The following C14orf93 variants were observed in gnomAD, a reference collection of about 807,000 sequenced individuals.
C14orf93 encodes the protein uncharacterized protein C14orf93.
A neutral mutation model predicts 44.0 loss-of-function variants in C14orf93; 23 were observed. The observed-to-expected ratio is 0.52, with a 90% CI of 0.38 to 0.74. The LOEUF is 0.74. Ranked by LOEUF, C14orf93 falls within the 30% of genes least tolerant of loss-of-function variation. C14orf93 has a pLI of 0.00. For missense variants in C14orf93, 579 were observed against 678.9 expected, an observed-to-expected ratio of 0.85 and a Z score of 1.64; for synonymous variants, 253 against 265.7, an observed-to-expected ratio of 0.95 and a Z score of 0.46.
chr14:23,006,297 C>G (rs1245017986), intron 1 of C14orf93: 1 of 152,138 alleles, frequency 6.6e-6, no homozygotes. Context: ...ACAAGAGCAG[C>G]TAAGTAAATA....
In C14orf93 at chr14:22,998,654, G is replaced by T. The variant is rs953732587; in HGVS notation, c.370C>A (p.Pro124Thr). Reference sequence around the variant, plus strand: ...CCGGGACTTTCCTTGAGAGGCCCAGGCTCCTCAGGTGGGGAACTATGTGCC... The same window carrying T: ...CCGGGACTTTCCTTGAGAGGCCCAGTCTCCTCAGGTGGGGAACTATGTGCC... The part of the protein sequence containing the change: ...SRAHSSPPEE[P>T]GPLKESPGEA... The change falls in exon 2 of 7, where the codon CCT (proline) becomes ACT (threonine). Residue 124 changes from proline (P) to threonine (T), a missense_variant. Transcript: ENST00000299088. 5 of 1,613,896 alleles carry T rather than the reference G, an allele frequency of 3.1e-6. No individual in the cohort carries two copies. The highest frequency in any genetic ancestry group is 4.5e-5 in the East Asian group (2 of 44,878).
In C14orf93 at chr14:23,000,735, A is replaced by G. The variant is rs931417659; in HGVS notation, c.-379-1333T>C. Among the ~76,000 whole-genome samples the G allele has an allele frequency of 2.2e-3, 333 of 151,578 alleles. 2 individuals are homozygous for G. The highest frequency in any genetic ancestry group is 7.7e-3 in the African/African-American group (316 of 41,298). On this transcript the variant is annotated intron_variant, in intron 1 of 6. Transcript: ENST00000299088. The stretch of plus-strand genomic sequence containing the variant: ...ACCTCAAAAAAAAAAAAAAAAAAAA[A>G]AGAGTAGGAGGTTAAGAGAATTTTC...
In C14orf93 at chr14:22,990,049, C is replaced by A. The variant is rs770854025; in HGVS notation, c.980+17G>T. On this transcript the variant is annotated intron_variant, in intron 4 of 6. Coordinates refer to ENST00000299088, the MANE Select transcript of C14orf93 (RefSeq NM_021944.4). ...AGCAAAGTACCTTCTAATTCTTTTT[C>A]CTCAAGGAGACCATACCTTTCAGAC... 6.2e-7 allele frequency: 1 copy of A among 1,604,326 alleles called. No individual in the cohort carries two copies.
At chr14:23,003,818 G>A (rs2046430121) in intron 1 of C14orf93, among the ~76,000 whole-genome samples, 1 of 129,224 alleles carries the variant, frequency 7.7e-6, no homozygotes, top group Non-Finnish European at 1.6e-5. Flanking sequence ...AAGAAGGTGA[G>A]CTGGTGAGTG....
chr14:22,999,804 C>T (rs751719916), intron 1 of C14orf93, among the ~76,000 whole-genome samples: 7 of 152,214 alleles, frequency 4.6e-5, no homozygotes, highest in Non-Finnish European at 8.8e-5. Context: ...ATACATCCAT[C>T]ACTGCAGCCC....
At position 22,996,235 on chromosome 14, in the gene C14orf93, C is replaced by CGTG. The variant is rs1427501051; in HGVS notation, c.630_631insCAC (p.Ala210_Val211insHis). 6.3e-7 allele frequency: 1 copy of CGTG among 1,582,530 alleles called. No individual in the cohort carries two copies. Among genetic ancestry groups the CGTG allele is most frequent in the Admixed American group, 1.8e-5 (1 of 56,978 alleles). ...TAAGCAGGGACCAGAACTCGCTGTA[C>CGTG]TGCACCCTCAGAGGCCACGTAATCA... On this transcript the variant is annotated inframe_insertion, in exon 3 of 7. Transcript: ENST00000299088. The surrounding 1 kb of genome is among the most constrained non-coding windows in gnomAD (Gnocchi z 4.1).
At chr14:23,008,172 AAAAAAAAAC>A (rs1193945212) in intron 1 of C14orf93, among the ~76,000 whole-genome samples, 1 of 136,958 alleles carries the variant, frequency 7.3e-6, no homozygotes, top group African/African-American at 3.0e-5. Context: ...AAAAAAAAAA[AAAAAAAAAC>A]TCCCATCACT....
chr14:22,997,293 A>G (rs953501024), intron 2 of C14orf93, among the ~76,000 whole-genome samples: 3 of 152,004 alleles, frequency 2.0e-5, no homozygotes, highest in African/African-American at 7.2e-5. Flanking sequence ...GCTGTGTTAC[A>G]CTGGAGGGGG....
chr14:22,999,592 G>A (rs2046192924), intron 1 of C14orf93, among the ~76,000 whole-genome samples, 190 bp from the exon 2 acceptor site: 1 of 152,144 alleles, frequency 6.6e-6, no homozygotes, highest in African/African-American at 2.4e-5. Context: ...GTCCAGAGAA[G>A]AGACATGTGG....
chr14:22,987,270 G>T lies in C14orf93; in HGVS notation c.1562C>A (p.Thr521Asn), dbSNP rs1282457043. Residue 521 changes from threonine (T) to asparagine (N), a missense_variant, in exon 7 of 7, where the codon ACC (threonine) becomes AAC (asparagine). By Grantham distance (65) the Thr-to-Asn change is moderately conservative. Transcript: ENST00000299088. This position sits in a 1 kb window ranked among gnomAD's most constrained non-coding sequence, Gnocchi z 5.6. Reference protein sequence around the residue: ...GSPSFDQPHKTCCPDLNSFIE... With the variant: ...GSPSFDQPHKNCCPDLNSFIE... ...GAATGAGTTCAAGTCAGGACAGCAGGTTTTGTGGGGTTGGTCAAAAGATGG... is the reference window on the plus strand; with the variant it reads ...GAATGAGTTCAAGTCAGGACAGCAGTTTTTGTGGGGTTGGTCAAAAGATGG... 6.2e-7 allele frequency: 1 copy of T among 1,614,222 alleles called. No individual in the cohort carries two copies. Among genetic ancestry groups the T allele is most frequent in the Non-Finnish European group, 8.5e-7 (1 of 1,180,028 alleles).
chr14:22,994,658 T>C (rs1453356704), intron 3 of C14orf93, among the ~76,000 whole-genome samples: 1 of 148,298 alleles, frequency 6.7e-6, no homozygotes, highest in Non-Finnish European at 1.5e-5. Context: ...GCCTGGGAAG[T>C]CGAAGCTGCA....
chr14:22,988,447 T>C (rs984874061), intron 5 of C14orf93, among the ~76,000 whole-genome samples: 4 of 152,204 alleles, frequency 2.6e-5, no homozygotes, highest in African/African-American at 9.7e-5. Flanking sequence ...TTTCTTGGCA[T>C]AGGCATTAGC....
intron 4 of C14orf93, 71 bp downstream of exon 4, chr14:22,989,994 TG>T: frequency 6.8e-7 from 1 of 1,474,630 alleles, no homozygotes; most frequent in Non-Finnish European, 9.5e-7. Context: ...ATTGCTGTAT[TG>T]GAGCATCCCC....
At chr14:22,997,199 A>C (rs1182338129) in intron 2 of C14orf93, among the ~76,000 whole-genome samples, 1 of 152,136 alleles carries the variant, frequency 6.6e-6, no homozygotes, top group African/African-American at 2.4e-5. Context: ...GGAACCACGG[A>C]GAGTCCTGAC....
rs752262999 is a variant in C14orf93, at chr14:22,998,458, G to A, written c.566C>T (p.Ala189Val). ...RDMRLPGCTL[A>V]ASEAAPLLNP... The stretch of plus-strand genomic sequence containing the variant: ...GAGCAGGGGGGCCGCCTCGCTGGCA[G>A]CCAGCGTGCACCCTGGGAGCCGCAT... Residue 189 changes from alanine (A) to valine (V), a missense_variant, in exon 2 of 7, where the codon GCT becomes GTT. Physicochemically the swap from Ala to Val is moderately conservative, Grantham distance 64 (BLOSUM62 0). Transcript: ENST00000299088. The A allele has an allele frequency of 2.5e-6, 4 of 1,590,592 alleles. No individual in the cohort carries two copies. The highest frequency in any genetic ancestry group is 1.7e-5 in the Admixed American group (1 of 58,002).
chr14:23,001,839 TAAAAAAAAA>T (rs780256403), intron 1 of C14orf93, among the ~76,000 whole-genome samples: 10 of 59,552 alleles, frequency 1.7e-4, no homozygotes, highest in African/African-American at 3.0e-4. Context: ...TACTGCAGGT[TAAAAAAAAA>T]AAAAAAAAAA....
At chr14:23,007,708 CA>C (rs2046698949) in intron 1 of C14orf93, among the ~76,000 whole-genome samples, 1 of 152,076 alleles carries the variant, frequency 6.6e-6, no homozygotes. Flanking sequence ...ATGTAGAAAT[CA>C]AATAGCCTAG....
Position 22,996,269 on chromosome 14 carries a change from CTAAGAACATAAAAAA to C in C14orf93, c.598-16_598-2del, listed in dbSNP as rs754651928. ...CAGAGGCCACGTAATCATCCACCAGCTAAGAACATAAAAAATAATAGCCTATTAGCCAGCCAGGCT... is the reference window on the plus strand; with the variant it reads ...CAGAGGCCACGTAATCATCCACCAGCTAATAGCCTATTAGCCAGCCAGGCT... On this transcript the variant is annotated splice_acceptor_variant and splice_polypyrimidine_tract_variant and intron_variant, in intron 2 of 6. Coordinates refer to ENST00000299088, the MANE Select transcript of C14orf93 (RefSeq NM_021944.4). LOFTEE classifies it high-confidence loss of function. The surrounding 1 kb of genome is among the most constrained non-coding windows in gnomAD (Gnocchi z 4.1). 6.5e-7 allele frequency: 1 copy of C among 1,535,276 alleles called. No individual in the cohort carries two copies. The highest frequency in any genetic ancestry group is 8.8e-7 in the Non-Finnish European group (1 of 1,137,568).
At chr14:23,001,943 T>C (rs2046324853) in intron 1 of C14orf93, among the ~76,000 whole-genome samples, 1 of 144,772 alleles carries the variant, frequency 6.9e-6, no homozygotes, top group Non-Finnish European at 1.5e-5. Context: ...GGTCAGGAGA[T>C]GGAGACCATC....
Sources: gnomAD v4.1 joint callset for allele counts (sites outside exome capture counted in the v4.1 genomes callset) on GRCh38, gnomAD v4.1.1 for gene constraint, Gnocchi (gnomAD v3.1) non-coding constraint, MANE v1.5 for transcripts, NCBI Gene and HGNC (gene_info 2026-07-23, HGNC 2026-07-21) for gene names.